The following DSCAML1 variants were observed in gnomAD, a reference collection of about 807,000 sequenced individuals.
The protein encoded by DSCAML1 is cell adhesion molecule DSCAML1.
A neutral mutation model predicts 200.5 loss-of-function variants in DSCAML1; 38 were observed. The ratio of observed to expected loss-of-function variants is 0.19; its 90% CI spans 0.15 to 0.25. DSCAML1 has a LOEUF of 0.25. DSCAML1 is among the 10% of genes least tolerant of loss of function. The probability of loss-of-function intolerance (pLI) is 1.00; values close to 1 mark genes in which losing one functional copy is unlikely to be tolerated. For synonymous variants in DSCAML1, 1,215 were observed against 1,165.0 expected (o/e 1.04, Z -0.87); for missense variants, 2,223 against 2,858.8 (o/e 0.78, Z 5.07).
Position 117,505,231 on chromosome 11 carries a change from T to C in DSCAML1, c.2063-188A>G, listed in dbSNP as rs1310438920. Among the ~76,000 whole-genome samples, 2 of 152,174 alleles carry C rather than the reference T, an allele frequency of 1.3e-5. No homozygotes were observed. Among genetic ancestry groups the C allele is most frequent in the Middle Eastern group, 3.4e-3 (1 of 294 alleles). The stretch of plus-strand genomic sequence containing the variant: ...TGGGTAGGGACTTGGGAGCTCTGAG[T>C]TCCAGTCCTGCCTTTGCCACTGACT... On this transcript the variant is annotated intron_variant, in intron 9 of 32. Coordinates refer to ENST00000651296, the MANE Select transcript of DSCAML1 (RefSeq NM_020693.4). This position sits in a 1 kb window ranked among gnomAD's most constrained non-coding sequence, Gnocchi z 6.7.
At position 117,505,358 on chromosome 11, in the gene DSCAML1, C is replaced by G; in HGVS notation, c.2062+96G>C. 1 of 1,502,492 alleles carries G rather than the reference C, an allele frequency of 6.7e-7. No homozygotes were observed. The highest frequency in any genetic ancestry group is 8.9e-7 in the Non-Finnish European group (1 of 1,118,024). 93.1% of individuals were successfully genotyped at this position (1,502,492 alleles called of 1,614,324 possible). Reference sequence around the variant, plus strand: ...CTTCAAGATGCTGGAGCCCACCTTCCATGAGCCCGTGATTGGAACTGGAAA... The same window carrying G: ...CTTCAAGATGCTGGAGCCCACCTTCGATGAGCCCGTGATTGGAACTGGAAA... On this transcript the variant is annotated intron_variant, in intron 9 of 32. Transcript: ENST00000651296. The surrounding 1 kb of genome is among the most constrained non-coding windows in gnomAD (Gnocchi z 6.7).
At chr11:117,808,124 G>A (rs1255114594) in intron 1 of DSCAML1, among the ~76,000 whole-genome samples, 1 of 152,184 alleles carries the variant, frequency 6.6e-6, no homozygotes, top group Non-Finnish European at 1.5e-5. Context: ...CCGGCCTGCA[G>A]TTTTCAAAGT....
chr11:117,686,745 C>T (rs1422576109), intron 3 of DSCAML1, among the ~76,000 whole-genome samples: 1 of 152,168 alleles, frequency 6.6e-6, no homozygotes, highest in Non-Finnish European at 1.5e-5. Context: ...GAGGGGTTCT[C>T]AGGACCCTCA....
intron 20 of DSCAML1, among the ~76,000 whole-genome samples, chr11:117,445,919 C>A (rs796441093): frequency 8.5e-5 from 13 of 152,126 alleles, no homozygotes; most frequent in African/African-American, 2.9e-4. Flanking sequence ...TCCAGTGGAT[C>A]AAAGGTTTTT....
At chr11:117,636,611 C>T (rs928933867) in intron 3 of DSCAML1, among the ~76,000 whole-genome samples, 7 of 152,280 alleles carry the variant, frequency 4.6e-5, no homozygotes, top group African/African-American at 1.4e-4. Flanking sequence ...GCCACACTTC[C>T]CCCTGCCTCA....
chr11:117,593,823 T>G (rs1041101230), intron 3 of DSCAML1, among the ~76,000 whole-genome samples: 1 of 151,722 alleles, frequency 6.6e-6, no homozygotes, highest in Non-Finnish European at 1.5e-5. Context: ...GCCAGTCTCC[T>G]GCCTCAGCTT....
intron 3 of DSCAML1, among the ~76,000 whole-genome samples, chr11:117,652,265 C>T (rs2052648007): frequency 6.6e-6 from 1 of 152,242 alleles, no homozygotes; most frequent in South Asian, 2.1e-4. Flanking sequence ...GCTCTAGTCC[C>T]CAGCTCTTAG....
intron 3 of DSCAML1, among the ~76,000 whole-genome samples, chr11:117,582,748 G>C (rs80349027): frequency 0.013 from 1,955 of 152,310 alleles, 16 homozygotes; most frequent in Middle Eastern, 0.024. Context: ...TGCTCCTACT[G>C]TGTGCCCCAG....
At chr11:117,541,108 G>A (rs754773494) in intron 3 of DSCAML1, among the ~76,000 whole-genome samples, 4 of 152,240 alleles carry the variant, frequency 2.6e-5, no homozygotes, top group Non-Finnish European at 4.4e-5. Flanking sequence ...GTGTCTGCAC[G>A]TGCATTTGCA....
At chr11:117,656,540 TATCTATCC>T (rs1162128533) in intron 3 of DSCAML1, among the ~76,000 whole-genome samples, 44 of 150,164 alleles carry the variant, frequency 2.9e-4, no homozygotes, top group African/African-American at 1.1e-3. Flanking sequence ...TCTATCTATC[TATCTATCC>T]ATCCATCCAC....
At chr11:117,461,716 T>TG in intron 17 of DSCAML1, 120 bp from the exon 18 acceptor site, 1 of 876,744 alleles carries the variant, frequency 1.1e-6, no homozygotes, top group Non-Finnish European at 1.7e-6. Flanking sequence ...GTTAGACAAG[T>TG]GGGGGGACCT....
chr11:117,537,765 A>C lies in DSCAML1; in HGVS notation c.512-5243T>G, dbSNP rs538237532. The stretch of plus-strand genomic sequence containing the variant: ...GTGCAGAGGCGGAAGCAGAGGCAGG[A>C]GGATGCACGTAACAGCAACGAAACG... On this transcript the variant is annotated intron_variant, in intron 3 of 32. Coordinates refer to ENST00000651296, the MANE Select transcript of DSCAML1 (RefSeq NM_020693.4). Among the ~76,000 whole-genome samples the C allele has an allele frequency of 5.3e-5, 8 of 152,344 alleles. No homozygotes were observed. The East Asian group carries it at 1.5e-3, about 29-fold the overall frequency.
chr11:117,485,459 G>T (rs2049027895), intron 11 of DSCAML1, among the ~76,000 whole-genome samples: 1 of 152,212 alleles, frequency 6.6e-6, no homozygotes, highest in Non-Finnish European at 1.5e-5. Flanking sequence ...TGAGGAAGAG[G>T]AGAGAAGCTT....
chr11:117,637,742 G>A (rs2052321702), intron 3 of DSCAML1, among the ~76,000 whole-genome samples: 1 of 152,176 alleles, frequency 6.6e-6, no homozygotes, highest in Non-Finnish European at 1.5e-5. Flanking sequence ...GAAATGAGAA[G>A]TCCACATACA....
intron 3 of DSCAML1, among the ~76,000 whole-genome samples, chr11:117,766,632 C>G (rs1013927673): frequency 6.6e-6 from 1 of 152,208 alleles, no homozygotes; most frequent in Non-Finnish European, 1.5e-5. Context: ...CTGTGTCCAC[C>G]GCCAGGGTGT....
At chr11:117,541,507 A>ATGTGCCC (rs1339123876) in intron 3 of DSCAML1, among the ~76,000 whole-genome samples, 1 of 152,114 alleles carries the variant, frequency 6.6e-6, no homozygotes, top group Non-Finnish European at 1.5e-5. Flanking sequence ...CCTGTTCCCA[A>ATGTGCCC]TGTGCCCTGT....
chr11:117,491,810 GAGA>G (rs1407525964), intron 11 of DSCAML1, among the ~76,000 whole-genome samples: 1 of 152,108 alleles, frequency 6.6e-6, no homozygotes, highest in Non-Finnish European at 1.5e-5. Context: ...ATGAATATCA[GAGA>G]AGGCCAGTAG....
intron 11 of DSCAML1, among the ~76,000 whole-genome samples, chr11:117,483,780 C>A (rs763822564): frequency 5.0e-4 from 76 of 152,160 alleles, no homozygotes; most frequent in Non-Finnish European, 9.7e-4. Flanking sequence ...CTTTTCTTCT[C>A]TGGGAAAATT....
chr11:117,809,079 G>C (rs368798306), intron 1 of DSCAML1, among the ~76,000 whole-genome samples: 2 of 152,324 alleles, frequency 1.3e-5, no homozygotes, highest in Admixed American at 6.5e-5. Context: ...TTTCCACTGC[G>C]AAGCTTGAGA....
Sources: gnomAD v4.1 joint callset for allele counts (sites outside exome capture counted in the v4.1 genomes callset) on GRCh38, gnomAD v4.1.1 for gene constraint, Gnocchi (gnomAD v3.1) non-coding constraint, MANE v1.5 for transcripts, NCBI Gene and HGNC (gene_info 2026-07-23, HGNC 2026-07-21) for gene names.